Variants in GPC5 observed in about 807,000 individuals in gnomAD.
The protein encoded by GPC5 is glypican-5.
GPC5 carries 47 observed loss-of-function variants against 53.9 expected under a neutral mutation model. The ratio of observed to expected loss-of-function variants is 0.87; its 90% CI spans 0.69 to 1.11. The LOEUF is 1.11. Among genes scored for constraint, GPC5 ranks in the 50% most tolerant of loss-of-function variants. GPC5 has a pLI of 0.00. For missense variants in GPC5, 748 were observed against 713.1 expected (o/e 1.05, Z -0.56); for synonymous variants, 286 against 263.3 (o/e 1.09, Z -0.84).
At chr13:91,624,060 G>A (rs1264164622) in intron 2 of GPC5, among the ~76,000 whole-genome samples, 2 of 152,054 alleles carry the variant, frequency 1.3e-5, no homozygotes, top group East Asian at 1.9e-4. Flanking sequence ...AAGAGTGAAC[G>A]ATTAGCAGTT....
At position 91,572,150 on chromosome 13, in the gene GPC5, C is replaced by T. The variant is rs1254100813; in HGVS notation, c.326-121037C>T. On this transcript the variant is annotated intron_variant, in intron 2 of 7. Transcript: ENST00000377067. ...GTGTATATACACATATGTATATATA[C>T]GTGTGTATACACACACATATGTATA... is the stretch of plus-strand genomic sequence containing the variant. 3.9e-5 allele frequency among the ~76,000 whole-genome samples: 5 copies of T among 128,364 alleles called. 1 individual carries two copies. The highest frequency in any genetic ancestry group is 2.5e-4 in the South Asian group (1 of 4,020). 84.2% of individuals were successfully genotyped at this position (128,364 alleles called of 152,430 possible).
chr13:91,950,273 T>TTTTG (rs2040015013), intron 6 of GPC5, among the ~76,000 whole-genome samples: 1 of 151,080 alleles, frequency 6.6e-6, no homozygotes, highest in African/African-American at 2.4e-5. Context: ...CAAGTTTTTT[T>TTTTG]TTTTTTTTTT....
At chr13:91,816,255 G>A (rs1345951448) in intron 5 of GPC5, among the ~76,000 whole-genome samples, 1 of 152,106 alleles carries the variant, frequency 6.6e-6, no homozygotes, top group Non-Finnish European at 1.5e-5. Context: ...GTTCAAAATT[G>A]TATACTGTCT....
chr13:91,769,730 CT>C (rs1490141828), intron 5 of GPC5, among the ~76,000 whole-genome samples: 2 of 152,088 alleles, frequency 1.3e-5, no homozygotes, highest in Non-Finnish European at 2.9e-5. Flanking sequence ...ATTCTATGTG[CT>C]TTGAGAAGTC....
intron 6 of GPC5, chr13:91,996,471 A>G (rs1264924424): frequency 1.3e-5 from 2 of 152,266 alleles, no homozygotes; most frequent in Non-Finnish European, 2.9e-5. Context: ...GTAGAATGAG[A>G]CTTTTATAAA....
chr13:91,832,191 T>C (rs2038668069), intron 5 of GPC5, among the ~76,000 whole-genome samples: 2 of 152,066 alleles, frequency 1.3e-5, no homozygotes, highest in Admixed American at 6.6e-5. Context: ...TCTTGTTGCA[T>C]TGATCCCTTT....
intron 7 of GPC5, among the ~76,000 whole-genome samples, chr13:92,387,281 C>T (rs1339760728): frequency 1.3e-5 from 2 of 151,948 alleles, no homozygotes; most frequent in South Asian, 4.2e-4. Context: ...ACGTAATTTC[C>T]CCCAACTGTA....
chr13:91,450,094 TTTAAG>T (rs1881078744), intron 2 of GPC5, among the ~76,000 whole-genome samples: 1 of 152,148 alleles, frequency 6.6e-6, no homozygotes, highest in Non-Finnish European at 1.5e-5. Context: ...CAGAATAAAA[TTTAAG>T]TTAAAGTGTA....
intron 4 of GPC5, among the ~76,000 whole-genome samples, chr13:91,739,424 C>T (rs2036882227): frequency 6.6e-6 from 1 of 151,384 alleles, no homozygotes; most frequent in Admixed American, 6.6e-5. Context: ...AACGTAGTGG[C>T]TTAAACCAAC....
chr13:91,756,470 C>G (rs755556515), intron 5 of GPC5, 50 bp downstream of exon 5: 1 of 1,469,508 alleles, frequency 6.8e-7, no homozygotes, highest in South Asian at 1.4e-5. Flanking sequence ...TCCTTGCTTT[C>G]TTTTTCTGAA....
chr13:92,374,171 C>A (rs2043673638), intron 7 of GPC5, among the ~76,000 whole-genome samples: 1 of 152,070 alleles, frequency 6.6e-6, no homozygotes, highest in South Asian at 2.1e-4. Context: ...ATTTAAAAAT[C>A]ACACTGCTAT....
intron 5 of GPC5, among the ~76,000 whole-genome samples, chr13:91,814,417 A>G (rs1362176438): frequency 3.3e-5 from 5 of 152,188 alleles, no homozygotes; most frequent in African/African-American, 1.2e-4. Flanking sequence ...TAGTAGGGGA[A>G]AAGGAACCTG....
At chr13:91,958,732 A>T (rs1037272619) in intron 6 of GPC5, among the ~76,000 whole-genome samples, 2 of 152,108 alleles carry the variant, frequency 1.3e-5, no homozygotes, top group Admixed American at 6.6e-5. Flanking sequence ...GGAACTCAGG[A>T]AACTGTACAA....
intron 2 of GPC5, among the ~76,000 whole-genome samples, chr13:91,514,329 C>A (rs1475823606): frequency 6.6e-6 from 1 of 152,118 alleles, no homozygotes; most frequent in East Asian, 1.9e-4. Flanking sequence ...TAATTTTATT[C>A]TAGCTAATTT....
chr13:91,474,612 G>C (rs565725352), intron 2 of GPC5, among the ~76,000 whole-genome samples: 2 of 152,012 alleles, frequency 1.3e-5, no homozygotes, highest in African/African-American at 4.8e-5. Flanking sequence ...GACAAAATTT[G>C]TATATACCTA....
At chr13:92,516,206 G>A (rs1880771256) in intron 7 of GPC5, among the ~76,000 whole-genome samples, 1 of 151,748 alleles carries the variant, frequency 6.6e-6, no homozygotes, top group Non-Finnish European at 1.5e-5. Context: ...TTAAAATTAT[G>A]CACTGAGTAC....
At chr13:91,929,274 A>T (rs186871801) in intron 6 of GPC5, among the ~76,000 whole-genome samples, 1 of 152,280 alleles carries the variant, frequency 6.6e-6, no homozygotes, top group African/African-American at 2.4e-5. Flanking sequence ...GCACTCACAG[A>T]TTATGCATAT....
At chr13:92,335,396 C>T (rs761130524) in intron 7 of GPC5, among the ~76,000 whole-genome samples, 1 of 152,070 alleles carries the variant, frequency 6.6e-6, no homozygotes, top group African/African-American at 2.4e-5. Flanking sequence ...GGGCCCTCGT[C>T]CTGGTCAAAG....
At chr13:92,249,367 G>T (rs1417514435) in intron 7 of GPC5, among the ~76,000 whole-genome samples, 1 of 152,034 alleles carries the variant, frequency 6.6e-6, no homozygotes, top group Admixed American at 6.6e-5. Flanking sequence ...CAGATGCTAC[G>T]GAGGCCAATA....
Sources: allele counts gnomAD v4.1 joint callset (sites outside exome capture counted in the v4.1 genomes callset), GRCh38; gene constraint gnomAD v4.1.1; transcripts MANE v1.5; gene names NCBI Gene and HGNC (gene_info 2026-07-23, HGNC 2026-07-21).